The following SLC28A1 variants were observed in gnomAD, a reference collection of about 807,000 sequenced individuals.
The protein encoded by SLC28A1 is sodium/nucleoside cotransporter 1.
SLC28A1 carries 64 observed loss-of-function variants against 74.8 expected under a neutral mutation model. That is an observed-to-expected ratio of 0.86 (90% CI 0.70 to 1.05). SLC28A1 has a LOEUF of 1.05. SLC28A1 is among the 50% of genes least tolerant of loss of function. SLC28A1 has a pLI of 0.00. For synonymous variants in SLC28A1, 359 were observed against 335.0 expected (o/e 1.07, Z -0.78); for missense variants, 828 against 822.8 (o/e 1.01, Z -0.08).
At chr15:84,900,784 C>A (rs1966590379) in intron 6 of SLC28A1, among the ~76,000 whole-genome samples, 1 of 151,906 alleles carries the variant, frequency 6.6e-6, no homozygotes, top group South Asian at 2.1e-4. Flanking sequence ...CACTGCACTC[C>A]AGCCTGGGCA....
At chr15:84,887,571 C>T (rs1400677694) in intron 2 of SLC28A1, 174 bp from the exon 3 acceptor site, 2 of 985,238 alleles carry the variant, frequency 2.0e-6, no homozygotes, top group East Asian at 1.1e-4. Flanking sequence ...GGTTGCAGTC[C>T]CAGTCACAAG....
intron 6 of SLC28A1, among the ~76,000 whole-genome samples, chr15:84,902,605 G>A (rs1195470882): frequency 6.6e-6 from 1 of 152,056 alleles, no homozygotes; most frequent in Non-Finnish European, 1.5e-5. Context: ...TGCGGTGATG[G>A]TTTCAAGGAG....
chr15:84,971,894 G>C, the SLC28A1 span, among the ~76,000 whole-genome samples: 1 of 152,072 alleles, frequency 6.6e-6, no homozygotes, highest in Non-Finnish European at 1.5e-5. Flanking sequence ...AAATCATCCC[G>C]CCTCAGCTTC....
chr15:84,942,280 C>T (rs1057263413), intron 15 of SLC28A1, among the ~76,000 whole-genome samples: 1 of 152,130 alleles, frequency 6.6e-6, no homozygotes, highest in Non-Finnish European at 1.5e-5. Flanking sequence ...CTTTGTGTTA[C>T]AAACAATCCA....
In SLC28A1 at chr15:84,935,364, G is replaced by C; in HGVS notation, c.1427G>C (p.Gly476Ala). Residue 476 changes from glycine to alanine, a missense_variant, in exon 15 of 19, where the codon GGT becomes GCT. Gly to Ala is a moderately conservative substitution (Grantham distance 60). This residue lies in a region of SLC28A1 where 767 missense variants were observed against 753.5 expected (regional missense o/e 1.02). Coordinates refer to ENST00000394573, the MANE Select transcript of SLC28A1 (RefSeq NM_004213.5). Reference sequence around the variant, plus strand: ...CTGCGGCCTGTAGCCTTCTTGATGGGTGTGGCGTGGGAGGACTGCCCAGTG... The same window carrying C: ...CTGCGGCCTGTAGCCTTCTTGATGGCTGTGGCGTGGGAGGACTGCCCAGTG... Reference protein sequence around the residue: ...YILRPVAFLMGVAWEDCPVVA... With the variant: ...YILRPVAFLMAVAWEDCPVVA... 6.2e-7 allele frequency: 1 copy of C among 1,614,238 alleles called. No homozygotes were observed.
At chr15:84,954,261 A>C in the SLC28A1 span, among the ~76,000 whole-genome samples, 1 of 152,156 alleles carries the variant, frequency 6.6e-6, no homozygotes, top group African/African-American at 2.4e-5. Flanking sequence ...GTGACCAGGG[A>C]GGTAGAAGCT....
At chr15:84,892,323 T>C (rs1426976239) in intron 5 of SLC28A1, among the ~76,000 whole-genome samples, 1 of 152,144 alleles carries the variant, frequency 6.6e-6, no homozygotes, top group Non-Finnish European at 1.5e-5. Flanking sequence ...CTTGGTGAAC[T>C]TGAAAGTAGG....
intron 15 of SLC28A1, among the ~76,000 whole-genome samples, chr15:84,941,330 C>A (rs1204283196): frequency 6.6e-6 from 1 of 151,714 alleles, no homozygotes; most frequent in Non-Finnish European, 1.5e-5. Context: ...CTCAGCCTCC[C>A]AAGTAGCTGG....
the SLC28A1 span, among the ~76,000 whole-genome samples, chr15:84,968,853 A>G: frequency 5.9e-5 from 9 of 152,166 alleles, no homozygotes; most frequent in Non-Finnish European, 1.0e-4. Context: ...AGATTGTGTG[A>G]CTTACAACCA....
intron 9 of SLC28A1, among the ~76,000 whole-genome samples, chr15:84,912,804 G>GCGCGTGCGCGCGCGCA (rs1567150807): frequency 1.7e-5 from 1 of 58,656 alleles, no homozygotes; most frequent in African/African-American, 5.1e-5. Flanking sequence ...TTTTGCGCGC[G>GCGCGTGCGCGCGCGCA]CGCACACACA....
At chr15:84,946,952 G>A (rs1251261541), downstream of SLC28A1, among the ~76,000 whole-genome samples, 1 of 152,148 alleles carries the variant, frequency 6.6e-6, no homozygotes, top group African/African-American at 2.4e-5. Flanking sequence ...ACCCCTACCT[G>A]CCAGGTCCAA....
chr15:84,960,228 CTTTTTTTTTTTTTTTT>C, the SLC28A1 span, among the ~76,000 whole-genome samples: 134 of 85,502 alleles, frequency 1.6e-3, 19 homozygotes, highest in African/African-American at 7.4e-3. Context: ...TGCCTGCCTG[CTTTTTTTTTTTTTTTT>C]TTTTTTTTTT....
At chr15:84,901,546 A>T (rs1416949817) in intron 6 of SLC28A1, among the ~76,000 whole-genome samples, 1 of 152,180 alleles carries the variant, frequency 6.6e-6, no homozygotes, top group Non-Finnish European at 1.5e-5. Flanking sequence ...AAAAAACAAA[A>T]AAAGGCTCAA....
chr15:84,914,858 C>G (rs1030771764), intron 9 of SLC28A1, among the ~76,000 whole-genome samples: 1 of 152,148 alleles, frequency 6.6e-6, no homozygotes, highest in Admixed American at 6.5e-5. Context: ...CACCTCTTTT[C>G]TCTTTCATTC....
At chr15:84,933,939 T>A (rs1447733566) in intron 13 of SLC28A1, among the ~76,000 whole-genome samples, 1 of 152,062 alleles carries the variant, frequency 6.6e-6, no homozygotes, top group East Asian at 1.9e-4. Context: ...CGCACCACTG[T>A]ACTCCAGCCT....
intron 6 of SLC28A1, among the ~76,000 whole-genome samples, chr15:84,898,316 C>T (rs1251204080): frequency 3.3e-5 from 5 of 152,102 alleles, no homozygotes; most frequent in African/African-American, 9.7e-5. Context: ...CGGTGGCTCA[C>T]GCCTGTAATC....
intron 8 of SLC28A1, 34 bp downstream of exon 8, chr15:84,905,686 T>G: frequency 6.9e-7 from 1 of 1,447,572 alleles, no homozygotes; most frequent in Non-Finnish European, 9.7e-7. Context: ...CCAGAGCATC[T>G]TAGATTACTG....
chr15:84,889,305 G>C (rs1006363658), intron 4 of SLC28A1, among the ~76,000 whole-genome samples: 3 of 152,240 alleles, frequency 2.0e-5, no homozygotes, highest in African/African-American at 7.2e-5. Context: ...GGCAGCGAGT[G>C]TCTGAGGTGA....
At chr15:84,971,769 C>T in the SLC28A1 span, among the ~76,000 whole-genome samples, 1 of 152,146 alleles carries the variant, frequency 6.6e-6, no homozygotes, top group East Asian at 1.9e-4. Context: ...CCCACTTCAG[C>T]CCCTCAAGTA....
Sources: gnomAD v4.1 joint callset for allele counts (sites outside exome capture counted in the v4.1 genomes callset) on GRCh38, gnomAD v4.1.1 for gene constraint, gnomAD v4.1.1 regional missense constraint, MANE v1.5 for transcripts, NCBI Gene and HGNC (gene_info 2026-07-23, HGNC 2026-07-21) for gene names.